Variants in MYO1D observed in about 807,000 individuals in gnomAD.
The protein encoded by MYO1D is myosin ID.
In MYO1D, 83 loss-of-function variants were observed where a neutral mutation model predicts 122.0. The ratio of observed to expected loss-of-function variants is 0.68; its 90% CI spans 0.57 to 0.82. MYO1D has a LOEUF of 0.82. MYO1D is among the 40% of genes least tolerant of loss of function. MYO1D has a pLI of 0.00. For missense variants in MYO1D, 1,157 were observed against 1,269.5 expected (o/e 0.91, Z 1.35); for synonymous variants, 464 against 446.9 (o/e 1.04, Z -0.48).
At chr17:32,624,343 C>T (rs189171541) in intron 20 of MYO1D, among the ~76,000 whole-genome samples, 180 of 150,490 alleles carry the variant, frequency 1.2e-3, no homozygotes, top group African/African-American at 4.0e-3. Context: ...TTAACCATTG[C>T]GCCCGGCCGG....
At chr17:32,683,353 T>C (rs2088951229) in intron 16 of MYO1D, among the ~76,000 whole-genome samples, 1 of 152,208 alleles carries the variant, frequency 6.6e-6, no homozygotes, top group South Asian at 2.1e-4. Context: ...AGTTTTTCTG[T>C]TCTGTTTTTT....
Position 32,741,397 on chromosome 17 carries a change from T to G in MYO1D, c.1614-3012A>C, listed in dbSNP as rs1428923810. On this transcript the variant is annotated intron_variant, in intron 13 of 21. Coordinates refer to ENST00000318217, the MANE Select transcript of MYO1D (RefSeq NM_015194.3). Reference sequence around the variant, plus strand: ...TGGTTTTATCCAAAAAAAAAAAAAGTCAAGACTTCCCATCTCACAGGCAAG... The same window carrying G: ...TGGTTTTATCCAAAAAAAAAAAAAGGCAAGACTTCCCATCTCACAGGCAAG... Among the ~76,000 whole-genome samples, 4 of 149,148 alleles carry G rather than the reference T, an allele frequency of 2.7e-5. No homozygotes were observed. The East Asian group carries it at 7.8e-4, about 29-fold the overall frequency.
chr17:32,851,488 A>G (rs573179595), intron 1 of MYO1D, among the ~76,000 whole-genome samples: 56 of 152,294 alleles, frequency 3.7e-4, no homozygotes, highest in Non-Finnish European at 1.6e-4. Flanking sequence ...AATAGTCCAT[A>G]TCCACCTCAT....
At chr17:32,757,084 C>A (rs1384048715) in intron 10 of MYO1D, among the ~76,000 whole-genome samples, 3 of 152,132 alleles carry the variant, frequency 2.0e-5, no homozygotes, top group African/African-American at 4.8e-5. Flanking sequence ...TCTATATACT[C>A]ATAATAGACC....
chr17:32,730,054 C>T (rs2089619195), intron 14 of MYO1D, among the ~76,000 whole-genome samples: 1 of 150,376 alleles, frequency 6.6e-6, no homozygotes. Flanking sequence ...CCAGCTTTCC[C>T]ATGTTCTTTT....
At chr17:32,583,152 G>T (rs2087357308) in intron 21 of MYO1D, among the ~76,000 whole-genome samples, 1 of 152,110 alleles carries the variant, frequency 6.6e-6, no homozygotes, top group African/African-American at 2.4e-5. Flanking sequence ...TTTTTGCTTG[G>T]TATGAAATTG....
chr17:32,555,351 G>C (rs1201669632), intron 21 of MYO1D, among the ~76,000 whole-genome samples: 1 of 152,048 alleles, frequency 6.6e-6, no homozygotes, highest in East Asian at 1.9e-4. Context: ...TTATAAGATA[G>C]AATGTACAGA....
chr17:32,767,724 C>G lies in MYO1D; in HGVS notation c.743G>C (p.Arg248Thr). ...KSSINDAAEF[R>T]VVADAMKVIG... ...GACTTTCATGGCATCAGCAACAACT[C>G]TGAATTCGGCAGCATCATTGATAGA... The change falls in exon 7 of 22, where the codon AGA becomes ACA. Residue 248 changes from arginine to threonine, a missense_variant. By Grantham distance (71) the Arg-to-Thr change is moderately conservative (BLOSUM62 -1). Transcript: ENST00000318217. 3.1e-6 allele frequency: 5 copies of G among 1,613,686 alleles called. No homozygotes were observed. Among genetic ancestry groups the G allele is most frequent in the Non-Finnish European group, 4.2e-6 (5 of 1,179,786 alleles).
At chr17:32,713,798 G>C (rs1281190880) in intron 15 of MYO1D, among the ~76,000 whole-genome samples, 1 of 151,932 alleles carries the variant, frequency 6.6e-6, no homozygotes, top group Non-Finnish European at 1.5e-5. Flanking sequence ...TAATTTTTTT[G>C]TTAACAGTAG....
intron 21 of MYO1D, among the ~76,000 whole-genome samples, chr17:32,554,269 T>C (rs1389743073): frequency 6.6e-6 from 1 of 151,992 alleles, no homozygotes; most frequent in South Asian, 2.1e-4. Flanking sequence ...TCCTGATGGG[T>C]GTACTCTGTA....
chr17:32,748,873 G>C, intron 12 of MYO1D, 63 bp downstream of exon 12: 1 of 1,403,108 alleles, frequency 7.1e-7, no homozygotes, highest in Non-Finnish European at 1.0e-6. Flanking sequence ...CATTTTTCCT[G>C]GTTGTATTTT....
rs144425239 is a variant in MYO1D, at chr17:32,565,777, T to C, written c.2864+39310A>G. Among the ~76,000 whole-genome samples, 219 of 151,934 alleles carry C rather than the reference T, an allele frequency of 1.4e-3. 1 individual carries two copies. The highest frequency in any genetic ancestry group is 5.1e-3 in the African/African-American group (210 of 41,426). ...TCTCCATCTGTGGCTCAGGCTGGAG[T>C]GCAGTGGCGAGATCTTGCCTCACTG... On this transcript the variant is annotated intron_variant, in intron 21 of 21. Transcript: ENST00000318217.
At chr17:32,573,938 G>A (rs1000362590) in intron 21 of MYO1D, among the ~76,000 whole-genome samples, 8 of 152,072 alleles carry the variant, frequency 5.3e-5, no homozygotes, top group African/African-American at 7.2e-5. Flanking sequence ...TGCAGGCTCC[G>A]CCCCCCAGGG....
chr17:32,871,246 A>G (rs1291752106), intron 1 of MYO1D, among the ~76,000 whole-genome samples: 1 of 152,212 alleles, frequency 6.6e-6, no homozygotes, highest in Non-Finnish European at 1.5e-5. Flanking sequence ...GTCTAGAGAC[A>G]TTTTTGGTTG....
At chr17:32,625,656 T>G (rs2087918375) in intron 20 of MYO1D, among the ~76,000 whole-genome samples, 1 of 152,124 alleles carries the variant, frequency 6.6e-6, no homozygotes, top group Non-Finnish European at 1.5e-5. Flanking sequence ...CTCAAGCAAT[T>G]GTCCTTCCTC....
At chr17:32,568,934 T>C (rs2087198443) in intron 21 of MYO1D, among the ~76,000 whole-genome samples, 1 of 152,220 alleles carries the variant, frequency 6.6e-6, no homozygotes, top group Non-Finnish European at 1.5e-5. Context: ...TTTATGTGTA[T>C]TGCCCTCTCT....
intron 20 of MYO1D, among the ~76,000 whole-genome samples, chr17:32,618,298 A>C (rs1279413323): frequency 6.6e-6 from 1 of 152,232 alleles, no homozygotes; most frequent in African/African-American, 2.4e-5. Context: ...AACTGATTAA[A>C]AGGGCTAAGT....
At chr17:32,859,604 C>A (rs2091053411) in intron 1 of MYO1D, among the ~76,000 whole-genome samples, 2 of 152,216 alleles carry the variant, frequency 1.3e-5, no homozygotes, top group South Asian at 2.1e-4. Context: ...CTTTTACCCA[C>A]TGGCATGAAT....
intron 21 of MYO1D, among the ~76,000 whole-genome samples, chr17:32,587,562 T>C (rs1322239284): frequency 6.6e-6 from 1 of 151,154 alleles, no homozygotes; most frequent in Non-Finnish European, 1.5e-5. Flanking sequence ...TCACCAAAAG[T>C]CATCTGCTGA....
Sources: allele counts gnomAD v4.1 joint callset (sites outside exome capture counted in the v4.1 genomes callset), GRCh38; gene constraint gnomAD v4.1.1; transcripts MANE v1.5; gene names NCBI Gene and HGNC (gene_info 2026-07-23, HGNC 2026-07-21).